RNF166: variants seen among roughly 807,000 people sequenced by gnomAD.
The protein encoded by RNF166 is E3 ubiquitin-protein ligase RNF166.
Under a neutral mutation model 29.4 loss-of-function variants are expected in RNF166, and 19 were observed. The ratio of observed to expected loss-of-function variants is 0.65; its 90% CI spans 0.45 to 0.95. The LOEUF (loss-of-function observed/expected upper bound fraction) is 0.95. RNF166 is among the 40% of genes least tolerant of loss of function. The probability of loss-of-function intolerance (pLI) is 0.00; values close to 1 mark genes in which losing one functional copy is unlikely to be tolerated. For missense variants in RNF166, 347 were observed against 322.1 expected, an observed-to-expected ratio of 1.08 and a Z score of -0.59; for synonymous variants, 171 against 134.5, an observed-to-expected ratio of 1.27 and a Z score of -1.88.
Position 88,706,243 on chromosome 16 carries a change from T to C in RNF166, c.83A>G (p.Glu28Gly). ...AGPAGGDSGL[E>G]AQYTCPICLE... ...GCAGATGGGGCAGGTGTACTGCGCC[T>C]CCAGGCCGCTGTCGCCGCCCGCCGG... is the stretch of plus-strand genomic sequence containing the variant. Residue 28 changes from glutamate to glycine, a missense_variant, in exon 1 of 6, where the codon GAG becomes GGG. Transcript: ENST00000312838. 2 of 1,310,124 alleles carry C rather than the reference T, an allele frequency of 1.5e-6. No individual in the cohort carries two copies. Among genetic ancestry groups the C allele is most frequent in the South Asian group, 1.8e-5 (1 of 54,468 alleles). The allele number at this position is 1,310,124 out of a possible 1,614,324, so 81.2% of individuals were successfully genotyped here. A position where few individuals can be genotyped will look rare whatever the true frequency, so the allele number is the denominator to read the frequency against.
intron 1 of RNF166, chr16:88,702,755 G>A: frequency 3.0e-6 from 3 of 985,388 alleles, no homozygotes; most frequent in Non-Finnish European, 3.6e-6. Context: ...GAGTAAAGAG[G>A]TCGCTCACTT....
chr16:88,698,280 G>A (rs113169870), intron 5 of RNF166: 38 of 699,452 alleles, frequency 5.4e-5, no homozygotes, highest in African/African-American at 2.4e-4. Context: ...CCATGTCCCC[G>A]AGAGGCCTGG....
chr16:88,701,110 G>C, intron 2 of RNF166, 152 bp downstream of exon 2: 2 of 1,244,712 alleles, frequency 1.6e-6, no homozygotes, highest in Non-Finnish European at 2.2e-6. Context: ...GGGGAGGGAG[G>C]CGCCGGGGCT....
chr16:88,705,550 C>T (rs931397534), intron 1 of RNF166, among the ~76,000 whole-genome samples: 1 of 152,210 alleles, frequency 6.6e-6, no homozygotes, highest in African/African-American at 2.4e-5. Flanking sequence ...CGGCTGTGAG[C>T]CCTGGTGCAG....
At chr16:88,701,625 T>C in intron 1 of RNF166, 1 of 547,072 alleles carries the variant, frequency 1.8e-6, no homozygotes, top group Non-Finnish European at 3.2e-6. Context: ...GTGGCCCCGG[T>C]CCCTCCTGAC....
In RNF166 at chr16:88,696,558, T is replaced by G. The variant is rs771348379; in HGVS notation, c.*1010A>C. 5.2e-5 allele frequency: 23 copies of G among 444,740 alleles called. No homozygotes were observed. The highest frequency in any genetic ancestry group is 3.3e-4 in the Middle Eastern group (1 of 3,050). 27.5% of individuals were successfully genotyped at this position (444,740 alleles called of 1,614,324 possible). ...TTAAAAAAAAGACAGCAATAATTAA[T>G]GCCAAGAACAGAAAAGAATGTTGAC... On this transcript the variant is annotated 3_prime_UTR_variant, in exon 6 of 6. Coordinates refer to ENST00000312838, the MANE Select transcript of RNF166 (RefSeq NM_178841.4).
chr16:88,701,201 C>T (rs889298389), intron 2 of RNF166, 61 bp downstream of exon 2: 68 of 1,595,024 alleles, frequency 4.3e-5, no homozygotes, highest in Non-Finnish European at 5.4e-5. Flanking sequence ...CTGCAGAACC[C>T]GTGGGCTGAG....
intron 2 of RNF166, 68 bp downstream of exon 2, chr16:88,701,194 C>A (rs1187163162): frequency 6.3e-7 from 1 of 1,588,266 alleles, no homozygotes; most frequent in Non-Finnish European, 8.6e-7. Context: ...CCACCCTCTG[C>A]AGAACCCGTG....
intron 1 of RNF166, 47 bp from the exon 2 acceptor site, chr16:88,701,465 C>T (rs753643940): frequency 1.2e-5 from 18 of 1,500,216 alleles, no homozygotes; most frequent in South Asian, 3.9e-5. Flanking sequence ...TCGGGTCTCC[C>T]GAACCGCAGG....
rs1448234397 is a variant in RNF166, at chr16:88,706,305, C to T, written c.21G>A (p.Leu7=). 3 of 1,258,252 alleles carry T rather than the reference C, an allele frequency of 2.4e-6. No homozygotes were observed. Among genetic ancestry groups the T allele is most frequent in the Admixed American group, 4.2e-5 (1 of 23,634 alleles). 77.9% of individuals were successfully genotyped at this position (1,258,252 alleles called of 1,614,324 possible). ...GCTGCCGCTGCTGAGCCGAGGCCAC[C>T]AGGCTGCGGAACATAGCCATCCCGG... MAMFRS[L]VASAQQRQPP... The change falls in exon 1 of 6, where the codon CTG becomes CTA. Residue 7 remains leucine, a synonymous_variant. Transcript: ENST00000312838.
intron 1 of RNF166, among the ~76,000 whole-genome samples, chr16:88,705,364 C>A (rs568970690): frequency 6.6e-6 from 1 of 152,380 alleles, no homozygotes; most frequent in South Asian, 2.1e-4. Context: ...TGCTCTCTCT[C>A]TCCCCTGCCA....
Position 88,696,960 on chromosome 16 carries a change from A to C in RNF166, c.*608T>G, listed in dbSNP as rs543028371. 1.5e-5 allele frequency: 3 copies of C among 200,826 alleles called. No homozygotes were observed. Among genetic ancestry groups the C allele is most frequent in the Non-Finnish European group, 3.1e-5 (3 of 96,742 alleles). 12.4% of individuals were successfully genotyped at this position (200,826 alleles called of 1,614,324 possible). A position where few individuals can be genotyped will look rare whatever the true frequency, so the allele number is the denominator to read the frequency against. On this transcript the variant is annotated 3_prime_UTR_variant, in exon 6 of 6. Coordinates refer to ENST00000312838, the MANE Select transcript of RNF166 (RefSeq NM_178841.4). ...CAATGCTTGTTTTGATTGTTTTCTT[A>C]AAAAATATAATTTTGTAAATGTTCC...
chr16:88,702,983 A>G (rs1910407784), intron 1 of RNF166: 1 of 985,562 alleles, frequency 1.0e-6, no homozygotes, highest in Non-Finnish European at 1.2e-6. Flanking sequence ...GCCCGTCGGT[A>G]AACGGATGAA....
At chr16:88,700,858 C>G in intron 2 of RNF166, 2 of 1,088,960 alleles carry the variant, frequency 1.8e-6, no homozygotes, top group Non-Finnish European at 2.2e-6. Flanking sequence ...GTGCTCGGCC[C>G]TTAGATGTCC....
chr16:88,705,026 A>G (rs989215895), intron 1 of RNF166, among the ~76,000 whole-genome samples: 3 of 152,190 alleles, frequency 2.0e-5, no homozygotes, highest in Non-Finnish European at 4.4e-5. Context: ...CTGCCCCCCC[A>G]AAATGTCACG....
chr16:88,701,013 C>T (rs984154759), intron 2 of RNF166: 22 of 1,368,120 alleles, frequency 1.6e-5, no homozygotes, highest in African/African-American at 3.0e-5. Flanking sequence ...TCCCCTGGCC[C>T]GGGCTAGGCG....
At chr16:88,702,170 C>T (rs866502207) in intron 1 of RNF166, among the ~76,000 whole-genome samples, 18 of 13,648 alleles carry the variant, frequency 1.3e-3, no homozygotes, top group Non-Finnish European at 2.3e-3. Context: ...GCTCTGCAGA[C>T]GCACACAGCC....
intron 5 of RNF166, 174 bp downstream of exon 5, chr16:88,698,328 C>T: frequency 1.4e-6 from 1 of 714,270 alleles, no homozygotes; most frequent in Non-Finnish European, 2.5e-6. Context: ...GCTGCCATCA[C>T]TCCCCACCTG....
Position 88,698,998 on chromosome 16 carries a change from T to G in RNF166, c.513A>C (p.Glu171Asp). The change falls in exon 4 of 6, where the codon GAA (glutamate) becomes GAC (aspartate). Residue 171 changes from glutamate (E) to aspartate (D), a missense_variant. Transcript: ENST00000312838. ...DQQELVKHCV[E>D]SHRSDPNRVV... ...CGCGGTTGGGGTCGCTGCGGTGGCT[T>G]TCCACACAGTGCTTCACCAGCTCCT... The G allele has an allele frequency of 1.2e-6, 2 of 1,605,980 alleles. No individual in the cohort carries two copies.
Sources: allele counts gnomAD v4.1 joint callset (sites outside exome capture counted in the v4.1 genomes callset), GRCh38; gene constraint gnomAD v4.1.1; transcripts MANE v1.5; gene names NCBI Gene and HGNC (gene_info 2026-07-23, HGNC 2026-07-21).